The following RASA3 variants were observed in gnomAD, a reference collection of about 807,000 sequenced individuals.
RASA3 encodes ras GTPase-activating protein 3.
RASA3 carries 73 observed loss-of-function variants against 110.0 expected under a neutral mutation model. That is an observed-to-expected ratio of 0.66 (90% CI 0.55 to 0.81). The LOEUF is 0.81. Ranked by LOEUF, RASA3 falls within the 30% of genes least tolerant of loss-of-function variation. The probability of loss-of-function intolerance (pLI) is 0.00; values close to 1 mark genes in which losing one functional copy is unlikely to be tolerated. For missense variants in RASA3, 976 were observed against 1,113.2 expected, an observed-to-expected ratio of 0.88 and a Z score of 1.75; for synonymous variants, 500 against 451.4, an observed-to-expected ratio of 1.11 and a Z score of -1.37.
intron 14 of RASA3, among the ~76,000 whole-genome samples, chr13:114,013,745 T>G (rs1342904328): frequency 6.6e-5 from 1 of 15,064 alleles, no homozygotes; most frequent in Non-Finnish European, 1.1e-4. Context: ...TCTCTGGCTC[T>G]CTCTCTCTCT....
intron 22 of RASA3, among the ~76,000 whole-genome samples, chr13:113,989,680 T>G (rs1200080352): frequency 6.7e-6 from 1 of 149,666 alleles, no homozygotes; most frequent in African/African-American, 2.5e-5. Flanking sequence ...CATCCATCCA[T>G]CCACCCGTCA....
chr13:114,098,926 C>G (rs1352131970), intron 1 of RASA3, among the ~76,000 whole-genome samples: 1 of 152,112 alleles, frequency 6.6e-6, no homozygotes, highest in African/African-American at 2.4e-5. Context: ...GCAACGCCCA[C>G]TGATGCCGGA....
chr13:114,113,230 C>T (rs558452756), intron 1 of RASA3, among the ~76,000 whole-genome samples: 2 of 152,216 alleles, frequency 1.3e-5, no homozygotes, highest in East Asian at 3.8e-4. Context: ...CCTGGCACAT[C>T]GTCTCTCACA....
At chr13:114,030,183 G>A (rs2054120738) in intron 4 of RASA3, among the ~76,000 whole-genome samples, 2 of 152,248 alleles carry the variant, frequency 1.3e-5, no homozygotes, top group South Asian at 2.1e-4. Flanking sequence ...TGTAGGAGAC[G>A]GTCATTCAGT....
chr13:114,009,597 G>A (rs888495295), intron 16 of RASA3, 133 bp from the exon 17 acceptor site: 1 of 656,202 alleles, frequency 1.5e-6, no homozygotes. Flanking sequence ...GTGTTACCGG[G>A]CAAGTGAGAG....
At chr13:114,026,917 A>G (rs1259301907) in intron 7 of RASA3, among the ~76,000 whole-genome samples, 1 of 152,200 alleles carries the variant, frequency 6.6e-6, no homozygotes, top group Non-Finnish European at 1.5e-5. Flanking sequence ...ATGTTCTGAG[A>G]GGATCTCTGT....
intron 1 of RASA3, among the ~76,000 whole-genome samples, chr13:114,082,286 A>G (rs2079797597): frequency 6.6e-6 from 1 of 152,254 alleles, no homozygotes. Context: ...CAGCGTCTGC[A>G]GGTGCCCTGG....
rs528561833 is a variant in RASA3, at chr13:114,009,228, A to C, written c.1668+159T>G. Among the ~76,000 whole-genome samples the C allele has an allele frequency of 2.6e-5, 4 of 152,220 alleles. No individual in the cohort carries two copies. In the South Asian group the frequency reaches 8.3e-4, roughly 31 times the overall value. ...GAGGAGGTGTCCCAGGACTTGGGAC[A>C]AGGCTGTCTGGACAGCGCTGTGAAT... On this transcript the variant is annotated intron_variant, in intron 17 of 23. Coordinates refer to ENST00000334062, the MANE Select transcript of RASA3 (RefSeq NM_007368.4).
At chr13:113,996,507 C>T (rs763046531) in intron 21 of RASA3, 24 bp downstream of exon 21, 8 of 1,604,138 alleles carry the variant, frequency 5.0e-6, no homozygotes, top group South Asian at 2.2e-5. Flanking sequence ...AGTGCACGAG[C>T]TGGGCACCGA....
intron 1 of RASA3, among the ~76,000 whole-genome samples, chr13:114,100,276 G>A (rs11840159): frequency 0.19 from 29,296 of 151,836 alleles, 3,055 homozygotes; most frequent in Admixed American, 0.26. Flanking sequence ...GCTGCCCCTC[G>A]GCCCCGACCC....
chr13:114,026,921 T>A (rs1377493404), intron 7 of RASA3, among the ~76,000 whole-genome samples: 1 of 152,196 alleles, frequency 6.6e-6, no homozygotes, highest in Non-Finnish European at 1.5e-5. Context: ...TCTGAGAGGA[T>A]CTCTGTGTCT....
At chr13:114,128,644 C>A (rs891010276) in intron 1 of RASA3, among the ~76,000 whole-genome samples, 3 of 152,254 alleles carry the variant, frequency 2.0e-5, no homozygotes, top group Non-Finnish European at 2.9e-5. Context: ...GCCCCACAGG[C>A]CTGCAGGCAC....
At chr13:114,021,328 C>T in intron 9 of RASA3, 76 bp downstream of exon 9, 2 of 1,334,504 alleles carry the variant, frequency 1.5e-6, no homozygotes, top group East Asian at 2.3e-5. Flanking sequence ...GGCCTCTGTG[C>T]CTTTCCACTC....
chr13:114,107,914 CCT>C (rs771354505), intron 1 of RASA3: 10 of 152,208 alleles, frequency 6.6e-5, no homozygotes, highest in South Asian at 2.1e-4. Context: ...TGAGCCAGCC[CCT>C]GAGTGCCACT....
chr13:113,994,428 G>A (rs2053188034), intron 21 of RASA3, among the ~76,000 whole-genome samples: 1 of 152,012 alleles, frequency 6.6e-6, no homozygotes, highest in South Asian at 2.1e-4. Context: ...TGCAGTGAGA[G>A]CTTAAACATC....
At chr13:113,991,345 C>T (rs890756884) in intron 22 of RASA3, among the ~76,000 whole-genome samples, 2 of 152,226 alleles carry the variant, frequency 1.3e-5, no homozygotes, top group African/African-American at 2.4e-5. Context: ...CAGGCCAAGG[C>T]ACACTTGACA....
At chr13:114,013,887 T>G (rs2053717706) in intron 14 of RASA3, among the ~76,000 whole-genome samples, 1 of 28,638 alleles carries the variant, frequency 3.5e-5, no homozygotes, top group Admixed American at 3.2e-4. Context: ...TATCTCTGTC[T>G]CTCTCTTTTT....
intron 22 of RASA3, 41 bp downstream of exon 22, chr13:113,992,444 C>A: frequency 6.5e-7 from 1 of 1,536,380 alleles, no homozygotes; most frequent in Non-Finnish European, 9.0e-7. Flanking sequence ...CCTCGCCAGC[C>A]ATCCCCTCGC....
Position 114,115,224 on chromosome 13 carries a change from CAT to C in RASA3, c.55+17209_55+17210del, listed in dbSNP as rs1389210530. Among the ~76,000 whole-genome samples, 1 of 152,204 alleles carries C rather than the reference CAT, an allele frequency of 6.6e-6. No individual in the cohort carries two copies. The highest frequency in any genetic ancestry group is 1.5e-5 in the Non-Finnish European group (1 of 68,032). On this transcript the variant is annotated intron_variant, in intron 1 of 23. Coordinates refer to ENST00000334062, the MANE Select transcript of RASA3 (RefSeq NM_007368.4). This position sits in a 1 kb window ranked among gnomAD's most constrained non-coding sequence, Gnocchi z 5.0. ...CAGCTTCCATTATGTCCAGCGGTAA[CAT>C]GTTTACGGTCCCTGTGCCGCCGTGC...
Sources: gnomAD v4.1 joint callset for allele counts (sites outside exome capture counted in the v4.1 genomes callset) on GRCh38, gnomAD v4.1.1 for gene constraint, Gnocchi (gnomAD v3.1) non-coding constraint, MANE v1.5 for transcripts, NCBI Gene and HGNC (gene_info 2026-07-23, HGNC 2026-07-21) for gene names.